CAMTA1: variants seen among roughly 807,000 people sequenced by gnomAD.
CAMTA1 encodes calmodulin binding transcription activator 1, also known as calmodulin-binding transcription activator 1.
A neutral mutation model predicts 170.9 loss-of-function variants in CAMTA1; 27 were observed. The ratio of observed to expected loss-of-function variants is 0.16; its 90% CI spans 0.12 to 0.22. CAMTA1 has a LOEUF of 0.22. Ranked by LOEUF, CAMTA1 falls within the 10% of genes least tolerant of loss-of-function variation. The pLI is 1.00. For synonymous variants in CAMTA1, 833 were observed against 891.5 expected (o/e 0.93, Z 1.17); for missense variants, 1,619 against 2,217.2 (o/e 0.73, Z 5.42).
rs192088687 is a variant in CAMTA1, at chr1:7,019,232, G to T, written c.235-72072G>T. On this transcript the variant is annotated intron_variant, in intron 3 of 22. Transcript: ENST00000303635. Reference sequence around the variant, plus strand: ...GGGTTCTCTGACCAGCATGTTAAGGGTTGGGCTGGGCAGCCTCTGCAAAGG... The same window carrying T: ...GGGTTCTCTGACCAGCATGTTAAGGTTTGGGCTGGGCAGCCTCTGCAAAGG... Among the ~76,000 whole-genome samples, 45 of 152,338 alleles carry T rather than the reference G, an allele frequency of 3.0e-4. 1 individual carries two copies. Among genetic ancestry groups the T allele is most frequent in the Non-Finnish European group, 3.4e-4 (23 of 68,036 alleles).
intron 7 of CAMTA1, among the ~76,000 whole-genome samples, chr1:7,654,511 T>C (rs4908664): frequency 0.96 from 144,300 of 149,972 alleles, 69,440 homozygotes; most frequent in East Asian, 1. Context: ...TATACACACA[T>C]ACACTCCTAT....
intron 4 of CAMTA1, among the ~76,000 whole-genome samples, chr1:7,190,670 A>T (rs995108119): frequency 1.5e-4 from 23 of 151,776 alleles, no homozygotes; most frequent in African/African-American, 5.6e-4. Context: ...AAAAAAATAG[A>T]AAAAAACAAA....
At chr1:7,327,701 A>G (rs2082774598) in intron 5 of CAMTA1, among the ~76,000 whole-genome samples, 1 of 152,086 alleles carries the variant, frequency 6.6e-6, no homozygotes, top group South Asian at 2.1e-4. Flanking sequence ...GCATGGGAGG[A>G]GGGACTGTTT....
At chr1:7,355,070 G>A (rs1027025118) in intron 5 of CAMTA1, among the ~76,000 whole-genome samples, 2 of 152,064 alleles carry the variant, frequency 1.3e-5, no homozygotes, top group African/African-American at 4.8e-5. Flanking sequence ...TCCAGGCATG[G>A]TGGTGGGTGC....
rs533417942 is a variant in CAMTA1, at chr1:7,592,374, C to T, written c.511-48026C>T. The stretch of plus-strand genomic sequence containing the variant: ...CAGTGCGCCTCCCCTGCGGCACATT[C>T]GGTAGGCTGGGGGTCTGTTGGATCC... On this transcript the variant is annotated intron_variant, in intron 6 of 22. Transcript: ENST00000303635. This position sits in a 1 kb window ranked among gnomAD's most constrained non-coding sequence, Gnocchi z 4.6. 4.6e-5 allele frequency among the ~76,000 whole-genome samples: 7 copies of T among 152,310 alleles called. No homozygotes were observed. In the South Asian group the frequency reaches 6.2e-4, roughly 14 times the overall value.
intron 5 of CAMTA1, among the ~76,000 whole-genome samples, chr1:7,398,210 T>TCC (rs2089579437): frequency 1.0e-5 from 1 of 96,776 alleles, no homozygotes; most frequent in African/African-American, 4.5e-5. Context: ...TATATATATA[T>TCC]ATATATATAT....
chr1:7,419,694 C>T (rs764575671), intron 5 of CAMTA1, among the ~76,000 whole-genome samples: 1 of 152,162 alleles, frequency 6.6e-6, no homozygotes, highest in Non-Finnish European at 1.5e-5. Context: ...GCATTTCAAA[C>T]TGACCACGGC....
chr1:7,181,077 A>T (rs1489555475), intron 4 of CAMTA1, among the ~76,000 whole-genome samples: 1 of 152,228 alleles, frequency 6.6e-6, no homozygotes, highest in Non-Finnish European at 1.5e-5. Context: ...TCTTTTTCCC[A>T]GGAATGCAAG....
chr1:7,608,769 CTG>C (rs2095503665), intron 6 of CAMTA1, among the ~76,000 whole-genome samples: 1 of 152,124 alleles, frequency 6.6e-6, no homozygotes. Context: ...TATTGACAAT[CTG>C]TCATCTGCTT....
chr1:7,275,146 C>CAAAAAA (rs1340599304), intron 5 of CAMTA1, among the ~76,000 whole-genome samples: 135 of 81,350 alleles, frequency 1.7e-3, no homozygotes, highest in Non-Finnish European at 2.4e-3. Flanking sequence ...GATTCCATCT[C>CAAAAAA]AAAAAAAAAA....
intron 3 of CAMTA1, among the ~76,000 whole-genome samples, chr1:7,090,597 G>A (rs1216441902): frequency 1.3e-5 from 2 of 152,154 alleles, no homozygotes. Context: ...GCTTTTTATG[G>A]AAATTATTAA....
At chr1:7,739,736 G>A (rs1488314989) in intron 16 of CAMTA1, among the ~76,000 whole-genome samples, 1 of 152,164 alleles carries the variant, frequency 6.6e-6, no homozygotes, top group Non-Finnish European at 1.5e-5. Flanking sequence ...AACCACCCCC[G>A]TGATTCAGTT....
intron 5 of CAMTA1, among the ~76,000 whole-genome samples, chr1:7,313,650 C>T (rs1403555776): frequency 6.6e-6 from 1 of 152,188 alleles, no homozygotes; most frequent in African/African-American, 2.4e-5. Context: ...GGAGTAACAT[C>T]ATATTTACTC....
intron 4 of CAMTA1, among the ~76,000 whole-genome samples, chr1:7,209,836 G>C (rs1315006654): frequency 6.6e-6 from 1 of 152,174 alleles, no homozygotes; most frequent in African/African-American, 2.4e-5. Flanking sequence ...TTATTTTTAA[G>C]TCATTTCAAG....
rs142227387 is a variant in CAMTA1 at position 7,326,101 on chromosome 1, C to T, written c.438+76475C>T. Among the ~76,000 whole-genome samples the T allele has an allele frequency of 6.0e-4, 91 of 152,244 alleles. 2 individuals carry two copies. The East Asian group carries it at 0.013, about 21-fold the overall frequency. On this transcript the variant is annotated intron_variant, in intron 5 of 22. Coordinates refer to ENST00000303635, the MANE Select transcript of CAMTA1 (RefSeq NM_015215.4). ...CTTGAACTCATGAGCTCAAGTGATC[C>T]GCCTGCCTCAGCCTCCCAAACTGTT...
At chr1:6,902,254 T>C (rs1571542091) in intron 3 of CAMTA1, among the ~76,000 whole-genome samples, 1 of 152,180 alleles carries the variant, frequency 6.6e-6, no homozygotes, top group South Asian at 2.1e-4. Flanking sequence ...TATAAAGTTA[T>C]GCACCTACAG....
chr1:7,679,132 C>T (rs1293080730), intron 11 of CAMTA1, among the ~76,000 whole-genome samples: 1 of 152,246 alleles, frequency 6.6e-6, no homozygotes, highest in African/African-American at 2.4e-5. Flanking sequence ...CTGTGATGAC[C>T]ACCCACAGGA....
chr1:7,467,769 T>TCTTA lies in CAMTA1; in HGVS notation c.439-58_439-57insACTT. The TCTTA allele has an allele frequency of 2.2e-6, 3 of 1,390,062 alleles. No homozygotes were observed. In the Admixed American group the frequency reaches 5.0e-5, roughly 23 times the overall value. The allele number at this position is 1,390,062 out of a possible 1,614,324, so 86.1% of individuals were successfully genotyped here. A position where few individuals can be genotyped will look rare whatever the true frequency, so the allele number is the denominator to read the frequency against. On this transcript the variant is annotated intron_variant, in intron 5 of 22. Coordinates refer to ENST00000303635, the MANE Select transcript of CAMTA1 (RefSeq NM_015215.4). ...TTCTTGCTCCTTCTCTGTTGCGCCG[T>TCTTA]CTTCCTTCCTTCCTTCCTTCCCTCT...
chr1:7,477,262 G>C (rs1182251577), intron 6 of CAMTA1, among the ~76,000 whole-genome samples: 1 of 152,130 alleles, frequency 6.6e-6, no homozygotes, highest in Non-Finnish European at 1.5e-5. Flanking sequence ...TGCAGCTGGG[G>C]AGGGGCGGGT....
Sources: gnomAD v4.1 joint callset for allele counts (sites outside exome capture counted in the v4.1 genomes callset) on GRCh38, gnomAD v4.1.1 for gene constraint, Gnocchi (gnomAD v3.1) non-coding constraint, MANE v1.5 for transcripts, NCBI Gene and HGNC (gene_info 2026-07-23, HGNC 2026-07-21) for gene names.